Variants in ADARB2 observed in about 807,000 individuals in gnomAD.
ADARB2 encodes adenosine deaminase RNA specific B2 (inactive), also known as inactive double-stranded RNA-specific editase B2.
In ADARB2, 25 loss-of-function variants were observed where a neutral mutation model predicts 62.2. The observed-to-expected ratio is 0.40, with a 90% CI of 0.29 to 0.56. The LOEUF is 0.56. Among genes scored for constraint, ADARB2 ranks in the 20% least tolerant of loss-of-function variants. ADARB2 has a pLI of 0.43. For missense variants in ADARB2, 1,071 were observed against 1,077.4 expected (o/e 0.99, Z 0.08); for synonymous variants, 572 against 500.8 (o/e 1.14, Z -1.90).
chr10:1,382,474 G>A (rs987678375), intron 1 of ADARB2, among the ~76,000 whole-genome samples: 6 of 152,200 alleles, frequency 3.9e-5, no homozygotes, highest in African/African-American at 1.4e-4. Context: ...GAAAAGAGGT[G>A]AAGAATTACA....
chr10:1,195,398 TTG>T (rs67479652), intron 8 of ADARB2, among the ~76,000 whole-genome samples: 12,841 of 135,370 alleles, frequency 0.095, 2,292 homozygotes, highest in African/African-American at 0.37. Flanking sequence ...AGTTTTTTTT[TTG>T]TTTTTTTTTT....
At chr10:1,624,641 A>G (rs1833745088) in intron 1 of ADARB2, among the ~76,000 whole-genome samples, 1 of 151,846 alleles carries the variant, frequency 6.6e-6, no homozygotes. Flanking sequence ...AGAGACTGAC[A>G]CATGTAACTC....
At chr10:1,463,168 C>T (rs1265095131) in intron 1 of ADARB2, among the ~76,000 whole-genome samples, 5 of 152,112 alleles carry the variant, frequency 3.3e-5, no homozygotes, top group Admixed American at 6.5e-5. Flanking sequence ...GGGGCTGCAG[C>T]GGGGGCACAG....
chr10:1,498,643 A>G (rs1831722671), intron 1 of ADARB2, among the ~76,000 whole-genome samples: 1 of 152,214 alleles, frequency 6.6e-6, no homozygotes, highest in Non-Finnish European at 1.5e-5. Context: ...TCAAAATATA[A>G]TAAACATGAC....
At chr10:1,654,510 C>G (rs1227660450) in intron 1 of ADARB2, among the ~76,000 whole-genome samples, 2 of 152,232 alleles carry the variant, frequency 1.3e-5, no homozygotes, top group Non-Finnish European at 2.9e-5. Context: ...CAGCCCCACC[C>G]AGAACCCCTC....
chr10:1,641,019 T>C (rs1296592644), intron 1 of ADARB2, among the ~76,000 whole-genome samples: 1 of 152,226 alleles, frequency 6.6e-6, no homozygotes, highest in Non-Finnish European at 1.5e-5. Flanking sequence ...AGCGAAAAAG[T>C]ATTCATTGTT....
At chr10:1,269,660 C>G (rs1287641377) in intron 4 of ADARB2, among the ~76,000 whole-genome samples, 1 of 151,994 alleles carries the variant, frequency 6.6e-6, no homozygotes. Flanking sequence ...GGATGATGCT[C>G]TTGGCCTGCC....
At chr10:1,443,645 T>C (rs1462386724) in intron 1 of ADARB2, among the ~76,000 whole-genome samples, 1 of 152,160 alleles carries the variant, frequency 6.6e-6, no homozygotes, top group Non-Finnish European at 1.5e-5. Flanking sequence ...ACCTCCTTTT[T>C]TTCAGATATC....
In ADARB2 at chr10:1,310,727, G is replaced by T. The variant is rs111769463; in HGVS notation, c.1078-39658C>A. 5.2e-3 allele frequency among the ~76,000 whole-genome samples: 789 copies of T among 152,254 alleles called. 5 individuals are homozygous for T. The highest frequency in any genetic ancestry group is 7.1e-3 in the Non-Finnish European group (485 of 68,024). The stretch of plus-strand genomic sequence containing the variant: ...ACGGGGATAAGTGGAGAGGGGAGGA[G>T]GCTCTCCAGGCCCCTGGCGCCTCAA... On this transcript the variant is annotated intron_variant, in intron 3 of 9. Coordinates refer to ENST00000381312, the MANE Select transcript of ADARB2 (RefSeq NM_018702.4).
intron 1 of ADARB2, among the ~76,000 whole-genome samples, chr10:1,679,769 C>T (rs945799850): frequency 2.0e-5 from 3 of 152,182 alleles, no homozygotes; most frequent in African/African-American, 7.2e-5. Context: ...AGGAGATGTT[C>T]CAACGACTGG....
intron 1 of ADARB2, among the ~76,000 whole-genome samples, chr10:1,618,929 C>A (rs1354658285): frequency 6.6e-6 from 1 of 152,144 alleles, no homozygotes; most frequent in Admixed American, 6.5e-5. Flanking sequence ...AACCCCTGCC[C>A]CCTGCAGCTT....
chr10:1,207,189 A>G (rs1348992117), intron 7 of ADARB2, among the ~76,000 whole-genome samples: 2 of 152,076 alleles, frequency 1.3e-5, no homozygotes, highest in African/African-American at 4.8e-5. Flanking sequence ...TCTACTAAAA[A>G]TACAAAAATT....
rs540725246 is a variant in ADARB2 at position 1,566,972 on chromosome 10, GAAAAT to G, written c.100+170074_100+170078del. Among the ~76,000 whole-genome samples, 7 of 152,252 alleles carry G rather than the reference GAAAAT, an allele frequency of 4.6e-5. No individual in the cohort carries two copies. The East Asian group carries it at 1.3e-3, about 29-fold the overall frequency. ...AATATACAACACACCTGTCAGGAAAGAAAATAAAAACCCTGGGGTTTTAGAAATAC... is the reference window on the plus strand; with the variant it reads ...AATATACAACACACCTGTCAGGAAAGAAAAACCCTGGGGTTTTAGAAATAC... On this transcript the variant is annotated intron_variant, in intron 1 of 9. Transcript: ENST00000381312.
intron 1 of ADARB2, among the ~76,000 whole-genome samples, chr10:1,498,935 G>A (rs1223206754): frequency 2.1e-5 from 3 of 145,354 alleles, no homozygotes; most frequent in East Asian, 4.3e-4. Flanking sequence ...ATCATTCATC[G>A]CTCACTCATT....
At chr10:1,646,395 C>T (rs1416360007) in intron 1 of ADARB2, among the ~76,000 whole-genome samples, 2 of 152,200 alleles carry the variant, frequency 1.3e-5, no homozygotes, top group Non-Finnish European at 1.5e-5. Context: ...TTCTTGGCAT[C>T]CTTTGAATCC....
intron 1 of ADARB2, chr10:1,556,773 TC>T (rs1242533836): frequency 1.9e-6 from 1 of 534,464 alleles, no homozygotes; most frequent in Non-Finnish European, 3.8e-6. Context: ...AGACCCCAGA[TC>T]TTCCTGCCCC....
At chr10:1,734,723 T>C (rs1329285558) in intron 1 of ADARB2, among the ~76,000 whole-genome samples, 1 of 152,212 alleles carries the variant, frequency 6.6e-6, no homozygotes. Flanking sequence ...TAGCACCTAA[T>C]AGAGCCACAC....
intron 1 of ADARB2, among the ~76,000 whole-genome samples, chr10:1,597,938 C>G (rs1181345302): frequency 6.6e-6 from 1 of 152,180 alleles, no homozygotes; most frequent in African/African-American, 2.4e-5. Context: ...TACTATGCAG[C>G]CATGAAAAAG....
At chr10:1,715,248 G>T (rs1244375412) in intron 1 of ADARB2, among the ~76,000 whole-genome samples, 1 of 151,916 alleles carries the variant, frequency 6.6e-6, no homozygotes, top group South Asian at 2.1e-4. Context: ...ATGCTCAGTT[G>T]CAATAGTCTT....
Sources: allele counts gnomAD v4.1 joint callset (sites outside exome capture counted in the v4.1 genomes callset), GRCh38; gene constraint gnomAD v4.1.1; transcripts MANE v1.5; gene names NCBI Gene and HGNC (gene_info 2026-07-23, HGNC 2026-07-21).